The following PSIP1 variants were observed in gnomAD, a reference collection of about 807,000 sequenced individuals.
PSIP1 encodes the protein PC4 and SRSF1 interacting protein 1.
Under a neutral mutation model 74.7 loss-of-function variants are expected in PSIP1, and 19 were observed. That is an observed-to-expected ratio of 0.25 (90% CI 0.18 to 0.37). The LOEUF is 0.37. PSIP1 is among the 10% of genes least tolerant of loss of function. PSIP1 has a pLI of 1.00. For missense variants in PSIP1, 601 were observed against 614.3 expected, an observed-to-expected ratio of 0.98 and a Z score of 0.23; for synonymous variants, 222 against 195.3, an observed-to-expected ratio of 1.14 and a Z score of -1.14.
chr9:15,504,888 G>C (rs181916529), intron 3 of PSIP1: 5 of 151,810 alleles, frequency 3.3e-5, no homozygotes, highest in Admixed American at 1.3e-4. Flanking sequence ...CATCTGGAAG[G>C]CTTGTTAAAA....
rs1157602959 is a variant in PSIP1, at chr9:15,486,883, T to C, written c.337A>G (p.Lys113Glu). 3.7e-6 allele frequency: 6 copies of C among 1,612,662 alleles called. No homozygotes were observed. The highest frequency in any genetic ancestry group is 5.1e-6 in the Non-Finnish European group (6 of 1,179,408). The change falls in exon 5 of 16, where the codon AAG becomes GAG. Residue 113 changes from lysine (K) to glutamate (E), a missense_variant. Lys to Glu is a moderately conservative substitution (Grantham distance 56). Around this residue, in one of 2 missense-constraint regions of PSIP1, gnomAD observed 538 missense variants for 507.6 expected, o/e 1.06. Transcript: ENST00000380733. ...TCTTCCTTTGAAACACTAGTTTCCT[T>C]TTCTTCAACTTCAACATCAGATGAT... Reference protein sequence around the residue: ...NASSDVEVEEKETSVSKEDTD... With the variant: ...NASSDVEVEEEETSVSKEDTD...
intron 10 of PSIP1, chr9:15,472,356 A>T: frequency 2.4e-6 from 3 of 1,227,098 alleles, no homozygotes; most frequent in Non-Finnish European, 3.0e-6. Context: ...GGATGAGTAC[A>T]CTTCTTGCAA....
chr9:15,500,067 T>C (rs1353484912), intron 3 of PSIP1, among the ~76,000 whole-genome samples: 1 of 152,158 alleles, frequency 6.6e-6, no homozygotes, highest in Non-Finnish European at 1.5e-5. Context: ...AAGTTTATTA[T>C]AAATATTTTA....
intron 14 of PSIP1, among the ~76,000 whole-genome samples, chr9:15,467,351 A>G (rs750761247): frequency 1.3e-5 from 2 of 152,226 alleles, no homozygotes; most frequent in Admixed American, 6.5e-5. Flanking sequence ...ATAATTCTCT[A>G]AGGGGACCCA....
At chr9:15,475,913 C>CA (rs2036055647) in intron 8 of PSIP1, among the ~76,000 whole-genome samples, 1 of 152,238 alleles carries the variant, frequency 6.6e-6, no homozygotes, top group East Asian at 1.9e-4. Context: ...AAGACTAATG[C>CA]AAACACAACC....
chr9:15,475,805 T>C (rs1164894586), intron 8 of PSIP1, among the ~76,000 whole-genome samples: 1 of 152,206 alleles, frequency 6.6e-6, no homozygotes. Flanking sequence ...TTCCATGAAA[T>C]ACAGACTTGT....
chr9:15,502,159 C>T (rs371155045), intron 3 of PSIP1, among the ~76,000 whole-genome samples: 4 of 152,058 alleles, frequency 2.6e-5, no homozygotes, highest in East Asian at 1.9e-4. Context: ...CCCCCCAAAC[C>T]CCCGTGGAAA....
intron 8 of PSIP1, 64 bp from the exon 9 acceptor site, chr9:15,474,301 T>C (rs2035981781): frequency 7.3e-7 from 1 of 1,363,994 alleles, no homozygotes; most frequent in South Asian, 1.4e-5. Context: ...TAGATATCAG[T>C]AAGCTATAAT....
At chr9:15,471,287 A>G in intron 10 of PSIP1, 1 of 1,575,100 alleles carries the variant, frequency 6.3e-7, no homozygotes, top group Non-Finnish European at 8.7e-7. Flanking sequence ...CACAAGCTGC[A>G]TCTGAAATGC....
At chr9:15,495,716 A>C (rs993745930) in intron 3 of PSIP1, among the ~76,000 whole-genome samples, 22 of 152,224 alleles carry the variant, frequency 1.4e-4, no homozygotes. Flanking sequence ...TCATGCTTTC[A>C]ATGATGTGAA....
intron 3 of PSIP1, among the ~76,000 whole-genome samples, chr9:15,498,058 C>T (rs1161057900): frequency 1.3e-5 from 2 of 152,142 alleles, no homozygotes; most frequent in Non-Finnish European, 2.9e-5. Context: ...TAAAATCACA[C>T]TGCTATAATA....
intron 3 of PSIP1, among the ~76,000 whole-genome samples, chr9:15,501,846 T>TATATATATAC (rs1347502857): frequency 2.2e-4 from 32 of 145,216 alleles, no homozygotes; most frequent in Non-Finnish European, 3.7e-4. Flanking sequence ...ACAGCATATA[T>TATATATATAC]ATATATATAT....
intron 3 of PSIP1, among the ~76,000 whole-genome samples, chr9:15,490,343 G>A (rs939855415): frequency 2.9e-4 from 44 of 152,196 alleles, no homozygotes; most frequent in African/African-American, 8.7e-4. Context: ...AACCACAGAC[G>A]TTGCACAATG....
intron 2 of PSIP1, among the ~76,000 whole-genome samples, chr9:15,509,062 C>A (rs1221748396): frequency 4.6e-5 from 7 of 152,210 alleles, no homozygotes. Flanking sequence ...ACTTGGATGG[C>A]ACTCTCAGCT....
intron 8 of PSIP1, among the ~76,000 whole-genome samples, chr9:15,476,678 T>C (rs2036096248): frequency 6.6e-6 from 1 of 152,164 alleles, no homozygotes; most frequent in South Asian, 2.1e-4. Context: ...ACTCAAAGTA[T>C]CTGTTATTAA....
intron 3 of PSIP1, among the ~76,000 whole-genome samples, chr9:15,501,524 T>C (rs1419232718): frequency 2.0e-5 from 3 of 151,878 alleles, no homozygotes; most frequent in Non-Finnish European, 4.4e-5. Context: ...ACAAAAGACC[T>C]GAGATAAGAT....
At chr9:15,470,152 C>T (rs1311657372) in intron 10 of PSIP1, among the ~76,000 whole-genome samples, 159 bp from the exon 11 acceptor site, 1 of 152,034 alleles carries the variant, frequency 6.6e-6, no homozygotes, top group East Asian at 1.9e-4. Context: ...AGTTCCGTAG[C>T]ATAAATATAA....
chr9:15,508,796 G>GC (rs1430407678), intron 2 of PSIP1, among the ~76,000 whole-genome samples: 1 of 152,188 alleles, frequency 6.6e-6, no homozygotes, highest in African/African-American at 2.4e-5. Context: ...TAAGGTTGTT[G>GC]CCCTCGGTCT....
At position 15,510,344 on chromosome 9, in the gene PSIP1, G is replaced by C. The variant is rs968507814; in HGVS notation, c.-141-15C>G. The C allele has an allele frequency of 4.5e-6, 2 of 447,738 alleles. No individual in the cohort carries two copies. The highest frequency in any genetic ancestry group is 3.8e-6 in the Non-Finnish European group (1 of 262,396). The allele number at this position is 447,738 out of a possible 1,614,324, so 27.7% of individuals were successfully genotyped here. ...CGACGCGCCTGCTAGGGAGAGCACCGAGGGCGGTTAAAGCGAAGAACCCCG... is the reference window on the plus strand; with the variant it reads ...CGACGCGCCTGCTAGGGAGAGCACCCAGGGCGGTTAAAGCGAAGAACCCCG... On this transcript the variant is annotated splice_polypyrimidine_tract_variant and intron_variant, in intron 1 of 15. Coordinates refer to ENST00000380733, the MANE Select transcript of PSIP1 (RefSeq NM_033222.5).
Sources: allele counts gnomAD v4.1 joint callset (sites outside exome capture counted in the v4.1 genomes callset), GRCh38; gene constraint gnomAD v4.1.1; regional missense constraint gnomAD v4.1.1; transcripts MANE v1.5; gene names NCBI Gene and HGNC (gene_info 2026-07-23, HGNC 2026-07-21).